Variants in CNTN4 observed in about 807,000 individuals in gnomAD.
CNTN4 encodes the protein contactin-4.
Under a neutral mutation model 122.5 loss-of-function variants are expected in CNTN4, and 77 were observed. The ratio of observed to expected loss-of-function variants is 0.63; its 90% CI spans 0.52 to 0.76. The LOEUF (loss-of-function observed/expected upper bound fraction) is 0.76, where lower values mean the gene tolerates loss of function less well. Ranked by LOEUF, CNTN4 falls within the 30% of genes least tolerant of loss-of-function variation. The pLI is 0.00. For synonymous variants in CNTN4, 512 were observed against 447.0 expected, an observed-to-expected ratio of 1.15 and a Z score of -1.83; for missense variants, 1,256 against 1,259.1, an observed-to-expected ratio of 1.00 and a Z score of 0.04.
intron 4 of CNTN4, among the ~76,000 whole-genome samples, chr3:2,695,407 C>T (rs1006187235): frequency 2.0e-5 from 3 of 152,224 alleles, no homozygotes; most frequent in African/African-American, 7.2e-5. Context: ...TTACATTACA[C>T]ACCCTACCCC....
At chr3:2,819,818 G>A (rs1184891796) in intron 7 of CNTN4, among the ~76,000 whole-genome samples, 1 of 152,118 alleles carries the variant, frequency 6.6e-6, no homozygotes, top group Non-Finnish European at 1.5e-5. Context: ...AGACACCTGA[G>A]TCGATCAAAA....
chr3:2,914,044 T>C (rs2094328960), intron 12 of CNTN4, among the ~76,000 whole-genome samples: 1 of 152,168 alleles, frequency 6.6e-6, no homozygotes. Flanking sequence ...GAACAACTCA[T>C]TCTTAAGCAA....
At chr3:2,964,033 G>A (rs1692035868) in intron 13 of CNTN4, among the ~76,000 whole-genome samples, 1 of 152,200 alleles carries the variant, frequency 6.6e-6, no homozygotes, top group Non-Finnish European at 1.5e-5. Flanking sequence ...TACATTGCCT[G>A]ACACATAGTA....
chr3:2,550,656 C>G (rs1280202299), intron 3 of CNTN4, among the ~76,000 whole-genome samples: 1 of 152,128 alleles, frequency 6.6e-6, no homozygotes, highest in African/African-American at 2.4e-5. Context: ...CACATGTATG[C>G]TTATTGCAGC....
At position 2,476,785 on chromosome 3, in the gene CNTN4, A is replaced by C. The variant is rs182333453; in HGVS notation, c.-88-94631A>C. On this transcript the variant is annotated intron_variant, in intron 3 of 24. Transcript: ENST00000418658. ...TAAAAACTCCTTGAATTATACACTT[A>C]TAACAGGTGAATTTTTATACTCTGT... Among the ~76,000 whole-genome samples the C allele has an allele frequency of 2.0e-5, 3 of 152,318 alleles. No homozygotes were observed. In the East Asian group the frequency reaches 5.8e-4, roughly 29 times the overall value.
At chr3:2,912,483 A>G (rs1462229070) in intron 12 of CNTN4, among the ~76,000 whole-genome samples, 6 of 152,190 alleles carry the variant, frequency 3.9e-5, no homozygotes, top group East Asian at 1.9e-4. Context: ...ACACAAAACT[A>G]TATGAAAATT....
chr3:2,263,853 T>G (rs1157307744), intron 2 of CNTN4, among the ~76,000 whole-genome samples: 2 of 152,168 alleles, frequency 1.3e-5, no homozygotes, highest in African/African-American at 4.8e-5. Context: ...TTTTTTAGTT[T>G]TTGTATATAA....
intron 6 of CNTN4, among the ~76,000 whole-genome samples, chr3:2,747,197 C>T (rs2089819768): frequency 6.6e-6 from 1 of 151,954 alleles, no homozygotes; most frequent in Non-Finnish European, 1.5e-5. Context: ...ATCACGAGGT[C>T]AGGAGATCGA....
At chr3:2,464,866 T>C (rs1242601150) in intron 3 of CNTN4, among the ~76,000 whole-genome samples, 2 of 152,218 alleles carry the variant, frequency 1.3e-5, no homozygotes, top group East Asian at 1.9e-4. Flanking sequence ...GGCATGTAGC[T>C]CATCTGGAAA....
At chr3:2,295,861 G>A (rs924295820) in intron 2 of CNTN4, among the ~76,000 whole-genome samples, 2 of 152,142 alleles carry the variant, frequency 1.3e-5, no homozygotes, top group African/African-American at 4.8e-5. Flanking sequence ...TGAATAAGGT[G>A]TAAGGAAGGG....
Position 2,589,730 on chromosome 3 carries a change from C to T in CNTN4, c.55+18172C>T, listed in dbSNP as rs1053892101. ...TGAAGGTTTGACTGCGGCTAGAGCA[C>T]CCACTTTCAAGTTGGCTCAGTCACA... On this transcript the variant is annotated intron_variant, in intron 4 of 24. Coordinates refer to ENST00000418658, the MANE Select transcript of CNTN4 (RefSeq NM_175607.3). 2.0e-4 allele frequency among the ~76,000 whole-genome samples: 30 copies of T among 152,328 alleles called. 1 individual carries two copies. Among genetic ancestry groups the T allele is most frequent in the African/African-American group, 7.0e-4 (29 of 41,582 alleles).
chr3:2,733,210 T>C (rs571965311), intron 4 of CNTN4, among the ~76,000 whole-genome samples: 27 of 152,334 alleles, frequency 1.8e-4, no homozygotes, highest in Admixed American at 1.5e-3. Context: ...GGAACACCAA[T>C]GAATTGAGAT....
chr3:2,344,720 T>A (rs2044337539), intron 3 of CNTN4, among the ~76,000 whole-genome samples: 4 of 152,220 alleles, frequency 2.6e-5, no homozygotes, highest in Admixed American at 2.6e-4. Context: ...AGGGTACTGA[T>A]TAGCTCTTTT....
At chr3:2,386,142 A>G (rs1169573939) in intron 3 of CNTN4, among the ~76,000 whole-genome samples, 1 of 152,104 alleles carries the variant, frequency 6.6e-6, no homozygotes, top group Non-Finnish European at 1.5e-5. Flanking sequence ...TTATCTTCAT[A>G]TCTCATTGCC....
chr3:3,051,604 T>C (rs1701281510), intron 23 of CNTN4, among the ~76,000 whole-genome samples: 1 of 152,214 alleles, frequency 6.6e-6, no homozygotes, highest in South Asian at 2.1e-4. Flanking sequence ...TGAATGTGCC[T>C]GAGGATTTAT....
intron 13 of CNTN4, among the ~76,000 whole-genome samples, chr3:2,950,846 T>G (rs1375352770): frequency 2.0e-5 from 3 of 152,244 alleles, no homozygotes; most frequent in Non-Finnish European, 4.4e-5. Flanking sequence ...ATTATTTATT[T>G]AGAATTTGTG....
At chr3:2,535,045 C>G (rs1018316788) in intron 3 of CNTN4, among the ~76,000 whole-genome samples, 3 of 152,154 alleles carry the variant, frequency 2.0e-5, no homozygotes, top group Non-Finnish European at 4.4e-5. Flanking sequence ...AGAATTGACT[C>G]TGGGCATAGC....
At chr3:2,326,284 C>T (rs2043453560) in intron 2 of CNTN4, among the ~76,000 whole-genome samples, 1 of 152,120 alleles carries the variant, frequency 6.6e-6, no homozygotes, top group South Asian at 2.1e-4. Context: ...GAAACTGAAA[C>T]ATTGGCTCAT....
intron 7 of CNTN4, among the ~76,000 whole-genome samples, chr3:2,847,407 G>C (rs2093473912): frequency 6.6e-6 from 1 of 152,076 alleles, no homozygotes; most frequent in South Asian, 2.1e-4. Context: ...CATCAAAGAG[G>C]GTCAACTAAT....
Sources: allele counts gnomAD v4.1 joint callset (sites outside exome capture counted in the v4.1 genomes callset), GRCh38; gene constraint gnomAD v4.1.1; transcripts MANE v1.5; gene names NCBI Gene and HGNC (gene_info 2026-07-23, HGNC 2026-07-21).